TBC1D2: variants seen among roughly 807,000 people sequenced by gnomAD.
TBC1D2 encodes the protein TBC1 domain family member 2, also known as TBC1 domain family member 2A.
TBC1D2 carries 58 observed loss-of-function variants against 91.1 expected under a neutral mutation model. The ratio of observed to expected loss-of-function variants is 0.64; its 90% confidence interval spans 0.52 to 0.79. The LOEUF is 0.79. Ranked by LOEUF, TBC1D2 falls within the 30% of genes least tolerant of loss-of-function variation. The probability of loss-of-function intolerance (pLI) is 0.00; values close to 1 mark genes in which losing one functional copy is unlikely to be tolerated. For missense variants in TBC1D2, 1,080 were observed against 1,208.3 expected (o/e 0.89, Z 1.57); for synonymous variants, 482 against 511.5 (o/e 0.94, Z 0.78).
chr9:98,213,776 A>G (rs1337176420), intron 6 of TBC1D2, among the ~76,000 whole-genome samples: 1 of 152,272 alleles, frequency 6.6e-6, no homozygotes, highest in African/African-American at 2.4e-5. Flanking sequence ...TGAATTTACC[A>G]GAACTTACTC....
rs781331172 is a variant in TBC1D2, at chr9:98,228,941, C to G, written c.978+11G>C. 1.2e-6 allele frequency: 2 copies of G among 1,612,276 alleles called. No individual in the cohort carries two copies. ...ACTGGAACCTGGGGCCTCCCTGGGACCAGACCTCACCTTCTGAGACTTTAA... is the reference window on the plus strand; with the variant it reads ...ACTGGAACCTGGGGCCTCCCTGGGAGCAGACCTCACCTTCTGAGACTTTAA... On this transcript the variant is annotated intron_variant, in intron 5 of 12. Transcript: ENST00000465784. This position sits in a 1 kb window ranked among gnomAD's most constrained non-coding sequence, Gnocchi z 4.0.
intron 11 of TBC1D2, 62 bp from the exon 12 acceptor site, chr9:98,200,436 G>A: frequency 6.6e-7 from 1 of 1,515,616 alleles, no homozygotes; most frequent in Non-Finnish European, 8.9e-7. Flanking sequence ...TCCCCGGAGG[G>A]AGGGAACCTG....
Position 98,208,983 on chromosome 9 carries a change from A to C in TBC1D2, c.1835T>G (p.Leu612Arg), listed in dbSNP as rs1828737191. The change falls in exon 9 of 13, where the codon CTT becomes CGT. Residue 612 changes from leucine to arginine, a missense_variant. Coordinates refer to ENST00000465784, the MANE Select transcript of TBC1D2 (RefSeq NM_001267571.2). Reference sequence around the variant, plus strand: ...CTGCTTGAGCTCGGCTGAGGGCACAAGATCGCCCAGGGCAGCCCAGCGCTC... The same window carrying C: ...CTGCTTGAGCTCGGCTGAGGGCACACGATCGCCCAGGGCAGCCCAGCGCTC... ...LRERWAALGD[L>R]VPSAELKQLL... 1.2e-6 allele frequency: 2 copies of C among 1,614,014 alleles called. No individual in the cohort carries two copies. The highest frequency in any genetic ancestry group is 1.7e-6 in the Non-Finnish European group (2 of 1,180,022).
chr9:98,200,331 T>C lies in TBC1D2; in HGVS notation c.2501A>G (p.Lys834Arg), dbSNP rs896791243. ...GCCATTCTGTAGCCTCAAGATCTCC[T>C]TCTCGTTGTACTTGAAAATGGCCAA... ...YALAIFKYNE[K>R]EILRLQNGLE... Residue 834 changes from lysine (K) to arginine (R), a missense_variant, in exon 12 of 13, where the codon AAG (lysine) becomes AGG (arginine). By Grantham distance (26) the Lys-to-Arg change is conservative. Transcript: ENST00000465784. 6.2e-7 allele frequency: 1 copy of C among 1,613,038 alleles called. No individual in the cohort carries two copies. The highest frequency in any genetic ancestry group is 8.5e-7 in the Non-Finnish European group (1 of 1,179,584).
At position 98,199,418 on chromosome 9, in the gene TBC1D2, C is replaced by A; in HGVS notation, c.2750G>T (p.Gly917Val). The change falls in exon 13 of 13, where the codon GGC becomes GTC. Residue 917 changes from glycine (G) to valine (V), a missense_variant. By Grantham distance (109) the Gly-to-Val change is moderately radical. Coordinates refer to ENST00000465784, the MANE Select transcript of TBC1D2 (RefSeq NM_001267571.2). The part of the protein sequence containing the change: ...RASRRRAVSE[G>V]CASEDEVEGE... ...CTCCACCTCGTCCTCGCTGGCACAGCCCTCGGACACAGCTCTGCGCCGGGA... is the reference window on the plus strand; with the variant it reads ...CTCCACCTCGTCCTCGCTGGCACAGACCTCGGACACAGCTCTGCGCCGGGA... The A allele has an allele frequency of 6.2e-7, 1 of 1,613,800 alleles. No individual in the cohort carries two copies. Among genetic ancestry groups the A allele is most frequent in the Non-Finnish European group, 8.5e-7 (1 of 1,179,994 alleles).
rs1172446780 is a variant in TBC1D2, at chr9:98,251,385, G to C, written c.511+400C>G. On this transcript the variant is annotated intron_variant, in intron 2 of 12. Transcript: ENST00000465784. Reference sequence around the variant, plus strand: ...CCCTCCTCACAGCAATTCTGTGAAAGTTTGATTTCTTGAGGCCTTCCATAA... The same window carrying C: ...CCCTCCTCACAGCAATTCTGTGAAACTTTGATTTCTTGAGGCCTTCCATAA... Among the ~76,000 whole-genome samples the C allele has an allele frequency of 2.0e-5, 3 of 152,092 alleles. No homozygotes were observed. In the East Asian group the frequency reaches 5.8e-4, roughly 29 times the overall value.
At chr9:98,242,803 C>CTA (rs1829675181) in intron 3 of TBC1D2, among the ~76,000 whole-genome samples, 1 of 83,174 alleles carries the variant, frequency 1.2e-5, no homozygotes, top group African/African-American at 5.3e-5. Flanking sequence ...ACACTGCTGC[C>CTA]TTTTTTTTTT....
At chr9:98,222,536 T>G (rs2119090859) in intron 5 of TBC1D2, among the ~76,000 whole-genome samples, 1 of 152,372 alleles carries the variant, frequency 6.6e-6, no homozygotes, top group Middle Eastern at 3.4e-3. Flanking sequence ...ACTCAAGGTC[T>G]GCTCAGCTCC....
chr9:98,235,517 G>A, intron 3 of TBC1D2: 2 of 456,948 alleles, frequency 4.4e-6, no homozygotes, highest in Non-Finnish European at 8.6e-6. Flanking sequence ...AAAGGATAAT[G>A]TAGGTATCAC....
chr9:98,244,475 C>G (rs1829720506), intron 2 of TBC1D2, among the ~76,000 whole-genome samples: 1 of 152,006 alleles, frequency 6.6e-6, no homozygotes, highest in Admixed American at 6.6e-5. Flanking sequence ...GCCTGACCAA[C>G]ATGAAGAAAC....
intron 12 of TBC1D2, 58 bp from the exon 13 acceptor site, chr9:98,199,646 C>A: frequency 1.3e-6 from 2 of 1,584,320 alleles, no homozygotes; most frequent in South Asian, 1.1e-5. Context: ...GGCGTTTACC[C>A]GGCTCTCCCA....
At chr9:98,209,257 T>C in intron 8 of TBC1D2, 113 bp from the exon 9 acceptor site, 1 of 987,472 alleles carries the variant, frequency 1.0e-6, no homozygotes, top group Non-Finnish European at 1.6e-6. Context: ...CACTGAGGGT[T>C]AACCACACAG....
intron 9 of TBC1D2, among the ~76,000 whole-genome samples, chr9:98,204,044 G>C (rs1828583955): frequency 6.6e-6 from 1 of 152,110 alleles, no homozygotes; most frequent in South Asian, 2.1e-4. Flanking sequence ...TCCCCGCCAA[G>C]TTAGCATAAG....
At chr9:98,200,680 G>C (rs1828471926) in intron 11 of TBC1D2, among the ~76,000 whole-genome samples, 1 of 152,214 alleles carries the variant, frequency 6.6e-6, no homozygotes, top group Non-Finnish European at 1.5e-5. Context: ...TGAATCTCAT[G>C]GAGTTAATCT....
intron 2 of TBC1D2, 48 bp from the exon 3 acceptor site, chr9:98,244,177 G>T: frequency 6.2e-7 from 1 of 1,606,312 alleles, no homozygotes; most frequent in Non-Finnish European, 8.5e-7. Flanking sequence ...ACTGCACTTG[G>T]AAAGACAGGT....
chr9:98,254,672 G>A (rs547551687), intron 1 of TBC1D2, among the ~76,000 whole-genome samples: 1 of 152,316 alleles, frequency 6.6e-6, no homozygotes, highest in African/African-American at 2.4e-5. Flanking sequence ...AAACCTAAGT[G>A]TTTATTTTCC....
rs113517577 is a variant in TBC1D2, at chr9:98,199,579, C to T, written c.2589G>A (p.Met863Ile). 15 of 1,614,030 alleles carry T rather than the reference C, an allele frequency of 9.3e-6. No individual in the cohort carries two copies. The highest frequency in any genetic ancestry group is 1.3e-5 in the African/African-American group (1 of 75,046). ...GGTTCATGTCATTGAAGGCGATGTTCATCAGCTTCCTGGGAGGAGGGCACA... is the reference window on the plus strand; with the variant it reads ...GGTTCATGTCATTGAAGGCGATGTTTATCAGCTTCCTGGGAGGAGGGCACA... ...TKTISNSRKL[M>I]NIAFNDMNPF... The change falls in exon 13 of 13, where the codon ATG (methionine) becomes ATA (isoleucine). Residue 863 changes from methionine to isoleucine, a missense_variant. Physicochemically the swap from Met to Ile is conservative, Grantham distance 10. Transcript: ENST00000465784.
chr9:98,199,630 C>T, intron 12 of TBC1D2, 42 bp from the exon 13 acceptor site: 1 of 1,607,326 alleles, frequency 6.2e-7, no homozygotes, highest in Non-Finnish European at 8.5e-7. Context: ...GTCACCCCAC[C>T]TGGCCGGCGT....
chr9:98,244,210 G>A, intron 2 of TBC1D2, 81 bp from the exon 3 acceptor site: 1 of 1,552,048 alleles, frequency 6.4e-7, no homozygotes. Flanking sequence ...TATGGGTGCA[G>A]CCCTGACTGG....
Sources: gnomAD v4.1 joint callset for allele counts (sites outside exome capture counted in the v4.1 genomes callset) on GRCh38, gnomAD v4.1.1 for gene constraint, Gnocchi (gnomAD v3.1) non-coding constraint, MANE v1.5 for transcripts, NCBI Gene and HGNC (gene_info 2026-07-23, HGNC 2026-07-21) for gene names.